Variants in TBXAS1 observed in about 807,000 individuals in gnomAD.
The protein encoded by TBXAS1 is thromboxane-A synthase.
In TBXAS1, 48 loss-of-function variants were observed where a neutral mutation model predicts 60.7. The ratio of observed to expected loss-of-function variants is 0.79; its 90% CI spans 0.63 to 1.01. The LOEUF is 1.01. Ranked by LOEUF, TBXAS1 falls within the 50% of genes least tolerant of loss-of-function variation. TBXAS1 has a pLI of 0.00. For synonymous variants in TBXAS1, 287 were observed against 269.7 expected, an observed-to-expected ratio of 1.06 and a Z score of -0.63; for missense variants, 685 against 686.3, an observed-to-expected ratio of 1.00 and a Z score of 0.02.
chr7:139,950,664 A>G (rs1974532), intron 5 of TBXAS1, among the ~76,000 whole-genome samples: 30,925 of 131,982 alleles, frequency 0.23, 2,971 homozygotes, highest in African/African-American at 0.24. Flanking sequence ...GGACTCCCTC[A>G]CCCTCCATCT....
At chr7:139,802,399 C>A (rs1427561986) in intron 4 of TBXAS1, among the ~76,000 whole-genome samples, 5 of 152,112 alleles carry the variant, frequency 3.3e-5, no homozygotes, top group African/African-American at 1.2e-4. Context: ...TTGGAGGGAC[C>A]CAGTGGGAGG....
chr7:139,808,017 C>A (rs182003546), intron 4 of TBXAS1, among the ~76,000 whole-genome samples: 2 of 152,106 alleles, frequency 1.3e-5, no homozygotes, highest in South Asian at 4.1e-4. Flanking sequence ...GTATTTCCAC[C>A]TTACAGATAC....
At chr7:139,849,087 G>T (rs1800020051) in intron 1 of TBXAS1, among the ~76,000 whole-genome samples, 1 of 152,072 alleles carries the variant, frequency 6.6e-6, no homozygotes, top group African/African-American at 2.4e-5. Context: ...AAAACAACAG[G>T]CCAGGCATGA....
intron 1 of TBXAS1, among the ~76,000 whole-genome samples, chr7:139,848,036 G>T (rs545763435): frequency 6.6e-6 from 1 of 152,030 alleles, no homozygotes; most frequent in Non-Finnish European, 1.5e-5. Flanking sequence ...TCCCAGGCTG[G>T]TCTCAAGCTC....
intron 4 of TBXAS1, among the ~76,000 whole-genome samples, chr7:139,787,918 A>G (rs1250114595): frequency 6.6e-6 from 1 of 152,230 alleles, no homozygotes; most frequent in Non-Finnish European, 1.5e-5. Context: ...CAGTTACTAA[A>G]TGTGTATTTC....
At position 139,852,377 on chromosome 7, in the gene TBXAS1, T is replaced by C. The variant is rs1800279831; in HGVS notation, c.90-19858T>C. Among the ~76,000 whole-genome samples, 1 of 152,188 alleles carries C rather than the reference T, an allele frequency of 6.6e-6. No homozygotes were observed. Among genetic ancestry groups the C allele is most frequent in the African/African-American group, 2.4e-5 (1 of 41,456 alleles). On this transcript the variant is annotated intron_variant, in intron 1 of 12. Transcript: ENST00000448866. This position sits in a 1 kb window ranked among gnomAD's most constrained non-coding sequence, Gnocchi z 4.4. Reference sequence around the variant, plus strand: ...TGTTCGGAAGGTCAGGCAGGTTCTGTGGGTCTCCACCTGTGGCTGTGTTCC... The same window carrying C: ...TGTTCGGAAGGTCAGGCAGGTTCTGCGGGTCTCCACCTGTGGCTGTGTTCC...
chr7:139,825,216 C>A (rs185975777), upstream of TBXAS1, among the ~76,000 whole-genome samples: 46 of 152,042 alleles, frequency 3.0e-4, no homozygotes, highest in Admixed American at 7.2e-4. Flanking sequence ...AACTGTCTGA[C>A]CTTCATCCTA....
intron 4 of TBXAS1, among the ~76,000 whole-genome samples, chr7:139,820,876 C>A (rs1798278288): frequency 1.3e-5 from 2 of 152,112 alleles, no homozygotes; most frequent in Non-Finnish European, 2.9e-5. Flanking sequence ...GAGATGGCTG[C>A]AATCTAATGA....
intron 4 of TBXAS1, among the ~76,000 whole-genome samples, chr7:139,823,435 C>T (rs1385892691): frequency 2.6e-5 from 4 of 152,032 alleles, no homozygotes; most frequent in African/African-American, 9.7e-5. Flanking sequence ...AGAAATGGAA[C>T]AGAGTCCCTA....
chr7:139,823,576 C>T (rs1798357348), intron 4 of TBXAS1, among the ~76,000 whole-genome samples: 1 of 152,104 alleles, frequency 6.6e-6, no homozygotes, highest in Admixed American at 6.6e-5. Flanking sequence ...CTCTTTCTTC[C>T]CTCTAGCCAC....
At position 139,955,573 on chromosome 7, in the gene TBXAS1, A is replaced by C; in HGVS notation, c.654A>C (p.Glu218Asp). 6.2e-7 allele frequency: 1 copy of C among 1,614,106 alleles called. No individual in the cohort carries two copies. Among genetic ancestry groups the C allele is most frequent in the Non-Finnish European group, 8.5e-7 (1 of 1,179,980 alleles). The change falls in exon 7 of 13, where the codon GAA becomes GAC. Residue 218 changes from glutamate to aspartate, a missense_variant. By Grantham distance (45) the Glu-to-Asp change is conservative. Coordinates refer to ENST00000448866, the MANE Select transcript of TBXAS1 (RefSeq NM_001061.7). ...TGAAACACTGCAAGCGTTTCTTCGA[A>C]TTCTGCATCCCCAGACCTATCCTGG... The part of the protein sequence containing the change: ...PFVKHCKRFF[E>D]FCIPRPILVL...
At chr7:139,818,001 A>G (rs1268300683) in intron 4 of TBXAS1, among the ~76,000 whole-genome samples, 1 of 152,206 alleles carries the variant, frequency 6.6e-6, no homozygotes, top group African/African-American at 2.4e-5. Flanking sequence ...ACATTTCGTG[A>G]TCACCTACTG....
intron 3 of TBXAS1, among the ~76,000 whole-genome samples, chr7:139,884,840 G>T (rs1802959086): frequency 6.6e-6 from 1 of 152,212 alleles, no homozygotes; most frequent in South Asian, 2.1e-4. Flanking sequence ...AGCGGTGAGG[G>T]CTCTGAGGAT....
At chr7:139,870,837 C>T (rs1200622157) in intron 1 of TBXAS1, among the ~76,000 whole-genome samples, 1 of 152,164 alleles carries the variant, frequency 6.6e-6, no homozygotes, top group African/African-American at 2.4e-5. Flanking sequence ...GCCTTTAATC[C>T]CAGCACTTTG....
intron 11 of TBXAS1, chr7:140,016,814 A>G (rs993718295): frequency 6.5e-6 from 1 of 152,788 alleles, no homozygotes; most frequent in Admixed American, 6.5e-5. Flanking sequence ...TTCACCTTTC[A>G]TGGCTCCAAC....
chr7:139,922,099 CTT>C (rs557582196), intron 4 of TBXAS1, among the ~76,000 whole-genome samples: 49 of 139,870 alleles, frequency 3.5e-4, no homozygotes, highest in African/African-American at 1.1e-3. Context: ...TTTTCTTTTT[CTT>C]TTTTTTTTTT....
chr7:139,787,887 GA>G (rs1342936667), intron 4 of TBXAS1, among the ~76,000 whole-genome samples: 6 of 152,268 alleles, frequency 3.9e-5, no homozygotes, highest in Admixed American at 3.3e-4. Context: ...GACTACAAAA[GA>G]AGCTAATTAT....
At chr7:139,832,797 C>A (rs774057011) in intron 1 of TBXAS1, among the ~76,000 whole-genome samples, 3 of 152,164 alleles carry the variant, frequency 2.0e-5, no homozygotes, top group African/African-American at 7.2e-5. Flanking sequence ...GGGATTGGGG[C>A]CCTGTCTTCC....
intron 9 of TBXAS1, among the ~76,000 whole-genome samples, chr7:140,006,241 GGCAGAGCAGCAAATAA>G (rs1292082494): frequency 6.6e-6 from 1 of 152,200 alleles, no homozygotes; most frequent in Non-Finnish European, 1.5e-5. Context: ...TGGGCAAACT[GGCAGAGCAGCAAATAA>G]GCTTCCTTAA....
Sources: gnomAD v4.1 joint callset for allele counts (sites outside exome capture counted in the v4.1 genomes callset) on GRCh38, gnomAD v4.1.1 for gene constraint, Gnocchi (gnomAD v3.1) non-coding constraint, MANE v1.5 for transcripts, NCBI Gene and HGNC (gene_info 2026-07-23, HGNC 2026-07-21) for gene names.